Variants in PYCARD observed in about 807,000 individuals in gnomAD.
PYCARD encodes apoptosis-associated speck-like protein containing a CARD.
Under a neutral mutation model 10.0 loss-of-function variants are expected in PYCARD, and 10 were observed. That is an observed-to-expected ratio of 1.00 (90% confidence interval 0.62 to 1.69). PYCARD has a LOEUF of 1.69. PYCARD is among the 40% of genes most tolerant of loss of function. The pLI is 0.00. For missense variants in PYCARD, 239 were observed against 260.2 expected (o/e 0.92, Z 0.56); for synonymous variants, 121 against 122.3 (o/e 0.99, Z 0.07).
chr16:31,202,200 G>C lies in PYCARD; in HGVS notation c.278C>G (p.Ser93Cys). Reference protein sequence around the residue: ...GQLQAATHQGSGAAPAGIQAP... With the variant: ...GQLQAATHQGCGAAPAGIQAP... ...CTGGATCCCAGCTGGCGCGGCTCCAGAGCCTGGAAGGATATGGGCCAAGTG... is the reference window on the plus strand; with the variant it reads ...CTGGATCCCAGCTGGCGCGGCTCCACAGCCTGGAAGGATATGGGCCAAGTG... The change falls in exon 2 of 3, where the codon TCT (serine) becomes TGT (cysteine). Residue 93 changes from serine (S) to cysteine (C), a missense_variant. Ser to Cys is a moderately radical substitution (Grantham distance 112, BLOSUM62 -1). Coordinates refer to ENST00000247470, the MANE Select transcript of PYCARD (RefSeq NM_013258.5). The surrounding 1 kb of genome is among the most constrained non-coding windows in gnomAD (Gnocchi z 4.5). The C allele has an allele frequency of 3.1e-6, 5 of 1,604,046 alleles. No homozygotes were observed. The highest frequency in any genetic ancestry group is 4.2e-6 in the Non-Finnish European group (5 of 1,179,794).
rs1280116403 is a variant in PYCARD, at chr16:31,202,378, A to T, written c.274+39T>A. The T allele has an allele frequency of 2.3e-6, 3 of 1,282,168 alleles. No homozygotes were observed. The highest frequency in any genetic ancestry group is 2.1e-6 in the Non-Finnish European group (2 of 967,406). 79.4% of individuals were successfully genotyped at this position (1,282,168 alleles called of 1,614,324 possible). On this transcript the variant is annotated intron_variant, in intron 1 of 2. Coordinates refer to ENST00000247470, the MANE Select transcript of PYCARD (RefSeq NM_013258.5). This position sits in a 1 kb window ranked among gnomAD's most constrained non-coding sequence, Gnocchi z 4.5. ...GCGGGGTAAGCGCTGGTGTGGGTGG[A>T]GGGGAAAGACGGGGTGGAGGGGAAC...
Position 31,201,782 on chromosome 16 carries a change from A to G in PYCARD, c.391T>C (p.Trp131Arg), listed in dbSNP as rs774760018. The change falls in exon 3 of 3, where the codon TGG (tryptophan) becomes CGG (arginine). Residue 131 changes from tryptophan to arginine, a missense_variant. Physicochemically the swap from Trp to Arg is moderately radical, Grantham distance 101 (BLOSUM62 -3). Transcript: ENST00000247470. ...ALIARVTNVE[W>R]LLDALYGKVL... ...TTCCCGTACAGAGCATCCAGCAGCC[A>G]CTCAACGTTTGTGACCCTCGCGATA... 2.6e-5 allele frequency: 42 copies of G among 1,613,976 alleles called. No homozygotes were observed. The highest frequency in any genetic ancestry group is 3.5e-5 in the Non-Finnish European group (41 of 1,180,028).
Position 31,202,250 on chromosome 16 carries a change from G to T in PYCARD, c.275-47C>A, listed in dbSNP as rs570365939. The T allele has an allele frequency of 1.9e-6, 3 of 1,590,724 alleles. No homozygotes were observed. Among genetic ancestry groups the T allele is most frequent in the Non-Finnish European group, 1.7e-6 (2 of 1,175,428 alleles). ...GATCCCCTTCCCTTCCCTTCCCGCC[G>T]TGGGGCCGGGGTCCCGTTGGTCGGT... On this transcript the variant is annotated intron_variant, in intron 1 of 2. Coordinates refer to ENST00000247470, the MANE Select transcript of PYCARD (RefSeq NM_013258.5). The surrounding 1 kb of genome is among the most constrained non-coding windows in gnomAD (Gnocchi z 4.5).
Position 31,201,715 on chromosome 16 carries a change from G to A in PYCARD, c.458C>T (p.Pro153Leu). The A allele has an allele frequency of 6.2e-7, 1 of 1,614,200 alleles. No homozygotes were observed. The highest frequency in any genetic ancestry group is 8.5e-7 in the Non-Finnish European group (1 of 1,180,036). ...DEQYQAVRAE[P>L]TNPSKMRKLF... ...CTTCCGCATCTTGCTTGGGTTGGTG[G>A]GCTCGGCCCGCACTGCCTGGTACTG... The change falls in exon 3 of 3, where the codon CCC becomes CTC. Residue 153 changes from proline to leucine, a missense_variant. Transcript: ENST00000247470.
rs750679848 is a variant in PYCARD at position 31,202,675 on chromosome 16, C to T, written c.16G>A (p.Asp6Asn). ...TTCTCCAGCGCATCCAGGATGGCGT[C>T]GCGCGCGCGCCCCATGGCTCCAGGA... Reference protein sequence around the residue: MGRARDAILDALENLT... With the variant: MGRARNAILDALENLT... Residue 6 changes from aspartate to asparagine, a missense_variant, in exon 1 of 3, where the codon GAC (aspartate) becomes AAC (asparagine). Coordinates refer to ENST00000247470, the MANE Select transcript of PYCARD (RefSeq NM_013258.5). The surrounding 1 kb of genome is among the most constrained non-coding windows in gnomAD (Gnocchi z 4.5). 4 of 1,579,990 alleles carry T rather than the reference C, an allele frequency of 2.5e-6. No individual in the cohort carries two copies. In the South Asian group the frequency reaches 3.4e-5, roughly 13 times the overall value.
Position 31,202,719 on chromosome 16 carries a change from G to A in PYCARD, c.-29C>T. 1.3e-6 allele frequency: 2 copies of A among 1,523,370 alleles called. No individual in the cohort carries two copies. Among genetic ancestry groups the A allele is most frequent in the South Asian group, 2.5e-5 (2 of 80,606 alleles). 94.4% of individuals were successfully genotyped at this position (1,523,370 alleles called of 1,614,324 possible). A position where few individuals can be genotyped will look rare whatever the true frequency, so the allele number is the denominator to read the frequency against. On this transcript the variant is annotated 5_prime_UTR_variant, in exon 1 of 3. Coordinates refer to ENST00000247470, the MANE Select transcript of PYCARD (RefSeq NM_013258.5). This position sits in a 1 kb window ranked among gnomAD's most constrained non-coding sequence, Gnocchi z 4.5. ...TCCAGGATCCCCGGCCGCTGCCGCC[G>A]CTCACCCCGCTGCAGCCGCCGACCA...
Position 31,202,343 on chromosome 16 carries a change from G to A in PYCARD, c.274+74C>T, listed in dbSNP as rs1247100212. The A allele has an allele frequency of 1.3e-6, 2 of 1,532,524 alleles. No homozygotes were observed. 94.9% of individuals were successfully genotyped at this position (1,532,524 alleles called of 1,614,324 possible). On this transcript the variant is annotated intron_variant, in intron 1 of 2. Transcript: ENST00000247470. This position sits in a 1 kb window ranked among gnomAD's most constrained non-coding sequence, Gnocchi z 4.5. ...TTTAGGGGTAGGAGGAACAGAAAGC[G>A]GAAGAGCCCGCGGGGTAAGCGCTGG...
In PYCARD at chr16:31,201,782, A is replaced by T; in HGVS notation, c.391T>A (p.Trp131Arg). The T allele has an allele frequency of 6.2e-7, 1 of 1,614,092 alleles. No homozygotes were observed. The highest frequency in any genetic ancestry group is 8.5e-7 in the Non-Finnish European group (1 of 1,180,020). The change falls in exon 3 of 3, where the codon TGG becomes AGG. Residue 131 changes from tryptophan to arginine, a missense_variant. Coordinates refer to ENST00000247470, the MANE Select transcript of PYCARD (RefSeq NM_013258.5). ...TTCCCGTACAGAGCATCCAGCAGCC[A>T]CTCAACGTTTGTGACCCTCGCGATA... ...ALIARVTNVEWLLDALYGKVL... is the reference protein window; with the variant it reads ...ALIARVTNVERLLDALYGKVL...
In PYCARD at chr16:31,202,243, T is replaced by TCCCGC; in HGVS notation, c.275-45_275-41dup. ...GCCAAGTGATCCCCTTCCCTTCCCT[T>TCCCGC]CCCGCCGTGGGGCCGGGGTCCCGTT... is the stretch of plus-strand genomic sequence containing the variant. On this transcript the variant is annotated intron_variant, in intron 1 of 2. Coordinates refer to ENST00000247470, the MANE Select transcript of PYCARD (RefSeq NM_013258.5). The surrounding 1 kb of genome is among the most constrained non-coding windows in gnomAD (Gnocchi z 4.5). The TCCCGC allele has an allele frequency of 6.3e-7, 1 of 1,592,530 alleles. No homozygotes were observed. Among genetic ancestry groups the TCCCGC allele is most frequent in the Non-Finnish European group, 8.5e-7 (1 of 1,176,260 alleles).
rs779109347 is a variant in PYCARD, at chr16:31,202,436, C to T, written c.255G>A (p.Leu85=). The part of the protein sequence containing the change: ...DMGLQEMAGQ[L]QAATHQGSGA... The stretch of plus-strand genomic sequence containing the variant: ...GCTCACCCTGGTGCGTGGCCGCCTG[C>T]AGCTGCCCGGCCATCTCCTGCAGGC... The change falls in exon 1 of 3, where the codon CTG becomes CTA. Residue 85 remains leucine (L), a synonymous_variant. Coordinates refer to ENST00000247470, the MANE Select transcript of PYCARD (RefSeq NM_013258.5). This position sits in a 1 kb window ranked among gnomAD's most constrained non-coding sequence, Gnocchi z 4.5. The T allele has an allele frequency of 3.9e-6, 6 of 1,545,000 alleles. No individual in the cohort carries two copies. In the East Asian group the frequency reaches 7.3e-5, roughly 19 times the overall value.
rs1335725223 is a variant in PYCARD, at chr16:31,201,812, C to T, written c.361G>A (p.Ala121Thr). Residue 121 changes from alanine to threonine, a missense_variant, in exon 3 of 3, where the codon GCG (alanine) becomes ACG (threonine). Coordinates refer to ENST00000247470, the MANE Select transcript of PYCARD (RefSeq NM_013258.5). ...ACGTTTGTGACCCTCGCGATAAGCG[C>T]AGCCCGGTGCTGGTCTATAAAGTGC... ...GLHFIDQHRA[A>T]LIARVTNVEW... The T allele has an allele frequency of 6.2e-7, 1 of 1,614,192 alleles. No individual in the cohort carries two copies. Among genetic ancestry groups the T allele is most frequent in the South Asian group, 1.1e-5 (1 of 91,090 alleles).
In PYCARD at chr16:31,202,674, T is replaced by TCGCG; in HGVS notation, c.13_16dup (p.Asp6AlafsTer67). On this transcript the variant is annotated frameshift_variant, in exon 1 of 3. Coordinates refer to ENST00000247470, the MANE Select transcript of PYCARD (RefSeq NM_013258.5). LOFTEE classifies it high-confidence loss of function. This position sits in a 1 kb window ranked among gnomAD's most constrained non-coding sequence, Gnocchi z 4.5. ...GTTCTCCAGCGCATCCAGGATGGCG[T>TCGCG]CGCGCGCGCGCCCCATGGCTCCAGG... 1 of 1,585,626 alleles carries TCGCG rather than the reference T, an allele frequency of 6.3e-7. No individual in the cohort carries two copies. Among genetic ancestry groups the TCGCG allele is most frequent in the Non-Finnish European group, 8.6e-7 (1 of 1,163,776 alleles).
Position 31,202,756 on chromosome 16 carries a change from G to T in PYCARD, c.-66C>A, listed in dbSNP as rs759553522. On this transcript the variant is annotated 5_prime_UTR_variant, in exon 1 of 3. Transcript: ENST00000247470. This position sits in a 1 kb window ranked among gnomAD's most constrained non-coding sequence, Gnocchi z 4.5. ...GCAGCCGCCGACCAGGAGGAAGTCG[G>T]CTCCGGGGCGGAACCTGGACTCCCC... The T allele has an allele frequency of 2.0e-6, 3 of 1,499,738 alleles. No homozygotes were observed. The highest frequency in any genetic ancestry group is 2.7e-6 in the Non-Finnish European group (3 of 1,129,918). The allele number at this position is 1,499,738 out of a possible 1,614,324, so 92.9% of individuals were successfully genotyped here.
Position 31,202,035 on chromosome 16 carries a change from G to T in PYCARD, c.331+112C>A. ...CAGGGTGTGGGTTGGTGGGTGGGGTGCGCAGGGTTGCCAAGCCGTGCCTGC... is the reference window on the plus strand; with the variant it reads ...CAGGGTGTGGGTTGGTGGGTGGGGTTCGCAGGGTTGCCAAGCCGTGCCTGC... On this transcript the variant is annotated intron_variant, in intron 2 of 2. Coordinates refer to ENST00000247470, the MANE Select transcript of PYCARD (RefSeq NM_013258.5). This position sits in a 1 kb window ranked among gnomAD's most constrained non-coding sequence, Gnocchi z 4.5. The T allele has an allele frequency of 6.8e-7, 1 of 1,469,046 alleles. No homozygotes were observed. 91.0% of individuals were successfully genotyped at this position (1,469,046 alleles called of 1,614,324 possible). A position where few individuals can be genotyped will look rare whatever the true frequency, so the allele number is the denominator to read the frequency against.
rs766187470 is a variant in PYCARD at position 31,202,110 on chromosome 16, G to A, written c.331+37C>T. 6.3e-6 allele frequency: 10 copies of A among 1,597,836 alleles called. No homozygotes were observed. The East Asian group carries it at 2.0e-4, about 32-fold the overall frequency. On this transcript the variant is annotated intron_variant, in intron 2 of 2. Coordinates refer to ENST00000247470, the MANE Select transcript of PYCARD (RefSeq NM_013258.5). The surrounding 1 kb of genome is among the most constrained non-coding windows in gnomAD (Gnocchi z 4.5). Reference sequence around the variant, plus strand: ...GGGAGCACAGATGCAGGCTGTGCAGGAGTGCGGTGGGGCCGGGCTGGGTGT... The same window carrying A: ...GGGAGCACAGATGCAGGCTGTGCAGAAGTGCGGTGGGGCCGGGCTGGGTGT...
chr16:31,202,714 C>CCG lies in PYCARD; in HGVS notation c.-26_-25dup, dbSNP rs765290365. On this transcript the variant is annotated 5_prime_UTR_variant, in exon 1 of 3. Coordinates refer to ENST00000247470, the MANE Select transcript of PYCARD (RefSeq NM_013258.5). This position sits in a 1 kb window ranked among gnomAD's most constrained non-coding sequence, Gnocchi z 4.5. ...ATGGCTCCAGGATCCCCGGCCGCTG[C>CCG]CGCCGCTCACCCCGCTGCAGCCGCC... 2.6e-6 allele frequency: 4 copies of CCG among 1,526,302 alleles called. No homozygotes were observed. In the South Asian group the frequency reaches 4.9e-5, roughly 19 times the overall value. 94.5% of individuals were successfully genotyped at this position (1,526,302 alleles called of 1,614,324 possible).
At position 31,202,019 on chromosome 16, in the gene PYCARD, G is replaced by C. The variant is rs1052445641; in HGVS notation, c.331+128C>G. On this transcript the variant is annotated intron_variant, in intron 2 of 2. Coordinates refer to ENST00000247470, the MANE Select transcript of PYCARD (RefSeq NM_013258.5). The surrounding 1 kb of genome is among the most constrained non-coding windows in gnomAD (Gnocchi z 4.5). ...TGTCTCCCTTCCCCCGCAGGGTGTG[G>C]GTTGGTGGGTGGGGTGCGCAGGGTT... is the stretch of plus-strand genomic sequence containing the variant. 6.9e-7 allele frequency: 1 copy of C among 1,457,648 alleles called. No homozygotes were observed. The highest frequency in any genetic ancestry group is 9.2e-7 in the Non-Finnish European group (1 of 1,092,508). The allele number at this position is 1,457,648 out of a possible 1,614,324, so 90.3% of individuals were successfully genotyped here. A position where few individuals can be genotyped will look rare whatever the true frequency, so the allele number is the denominator to read the frequency against.
Position 31,201,538 on chromosome 16 carries a change from T to G in PYCARD, c.*47A>C. 6.3e-7 allele frequency: 1 copy of G among 1,589,384 alleles called. No individual in the cohort carries two copies. Among genetic ancestry groups the G allele is most frequent in the Non-Finnish European group, 8.6e-7 (1 of 1,166,614 alleles). On this transcript the variant is annotated 3_prime_UTR_variant, in exon 3 of 3. Transcript: ENST00000247470. ...ATAAAAAGATCAGATTCAGGATGAT[T>G]TGGTGGGATTGCCAGGGGCTGACCG...
chr16:31,201,845 G>T lies in PYCARD; in HGVS notation c.332-4C>A, dbSNP rs1016491609. 2.5e-6 allele frequency: 4 copies of T among 1,612,978 alleles called. No homozygotes were observed. The highest frequency in any genetic ancestry group is 2.2e-5 in the East Asian group (1 of 44,870). On this transcript the variant is annotated splice_region_variant and splice_polypyrimidine_tract_variant and intron_variant, in intron 2 of 2. Coordinates refer to ENST00000247470, the MANE Select transcript of PYCARD (RefSeq NM_013258.5). ...TGCTGGTCTATAAAGTGCAGGCCTG[G>T]GGGTGGGAGGAGAACATGAGCCAGC...
Sources: allele counts gnomAD v4.1 joint callset, GRCh38; gene constraint gnomAD v4.1.1; non-coding constraint Gnocchi (gnomAD v3.1); transcripts MANE v1.5; gene names NCBI Gene and HGNC (gene_info 2026-07-23, HGNC 2026-07-21).